PPP1R37: variants seen among roughly 807,000 people sequenced by gnomAD.
The protein encoded by PPP1R37 is protein phosphatase 1 regulatory subunit 37.
A neutral mutation model predicts 61.0 loss-of-function variants in PPP1R37; 21 were observed. The observed-to-expected ratio is 0.34, with a 90% CI of 0.24 to 0.50. The LOEUF (loss-of-function observed/expected upper bound fraction) is 0.50. Ranked by LOEUF, PPP1R37 falls within the 20% of genes least tolerant of loss-of-function variation. The probability of loss-of-function intolerance (pLI) is 0.98; values close to 1 mark genes in which losing one functional copy is unlikely to be tolerated. For missense variants in PPP1R37, 910 were observed against 952.7 expected (o/e 0.96, Z 0.59); for synonymous variants, 443 against 433.5 (o/e 1.02, Z -0.27).
At chr19:45,146,113 C>T (rs118054030) in intron 11 of PPP1R37, 64 bp downstream of exon 11, 3 of 1,427,494 alleles carry the variant, frequency 2.1e-6, no homozygotes, top group African/African-American at 2.9e-5. Context: ...CCAGGCAAGC[C>T]CCTGCCTGTT....
intron 1 of PPP1R37, among the ~76,000 whole-genome samples, chr19:45,125,823 G>T (rs1186894588): frequency 6.6e-6 from 1 of 152,238 alleles, no homozygotes; most frequent in Non-Finnish European, 1.5e-5. Flanking sequence ...CCACCCAGGG[G>T]AAGACAGGAA....
chr19:45,127,227 T>C (rs1968416820), intron 1 of PPP1R37, among the ~76,000 whole-genome samples: 1 of 151,992 alleles, frequency 6.6e-6, no homozygotes, highest in South Asian at 2.1e-4. Context: ...CGTGTGCCTG[T>C]AATCTCAGCT....
intron 5 of PPP1R37, 146 bp downstream of exon 5, chr19:45,141,587 G>A: frequency 8.9e-7 from 1 of 1,128,332 alleles, no homozygotes; most frequent in Non-Finnish European, 1.2e-6. Context: ...CCTCAGGCCA[G>A]GAGAACAGGG....
intron 1 of PPP1R37, among the ~76,000 whole-genome samples, chr19:45,112,244 G>A (rs1161257063): frequency 1.8e-5 from 2 of 112,254 alleles, no homozygotes; most frequent in African/African-American, 6.8e-5. Context: ...CAAAGTGTTG[G>A]GATTACAGGC....
chr19:45,120,874 CCT>C (rs1213344566), intron 1 of PPP1R37, among the ~76,000 whole-genome samples: 5 of 152,206 alleles, frequency 3.3e-5, no homozygotes, highest in African/African-American at 1.2e-4. Flanking sequence ...TCAGCCTTGG[CCT>C]CTCAAAGTGT....
At chr19:45,104,490 C>T (rs1968104835) in intron 1 of PPP1R37, among the ~76,000 whole-genome samples, 1 of 152,164 alleles carries the variant, frequency 6.6e-6, no homozygotes, top group South Asian at 2.1e-4. Context: ...TCCTTTTTTC[C>T]TGCATTCATT....
At chr19:45,139,711 G>A (rs900770782) in intron 2 of PPP1R37, among the ~76,000 whole-genome samples, 1 of 152,194 alleles carries the variant, frequency 6.6e-6, no homozygotes, top group Non-Finnish European at 1.5e-5. Flanking sequence ...TGGGTCCTTG[G>A]ACCCCATCGG....
chr19:45,117,048 G>C (rs1384025521), intron 1 of PPP1R37, among the ~76,000 whole-genome samples: 1 of 152,026 alleles, frequency 6.6e-6, no homozygotes, highest in Non-Finnish European at 1.5e-5. Context: ...AAGTATCTGG[G>C]ACTACAGGCA....
chr19:45,103,558 T>C (rs1329424985), intron 1 of PPP1R37, among the ~76,000 whole-genome samples: 1 of 150,284 alleles, frequency 6.7e-6, no homozygotes, highest in East Asian at 2.0e-4. Flanking sequence ...GCTCGCGTCC[T>C]GTGCAGTCTT....
intron 1 of PPP1R37, among the ~76,000 whole-genome samples, chr19:45,132,311 TTTTC>T (rs1405579784): frequency 1.3e-5 from 2 of 152,012 alleles, no homozygotes; most frequent in African/African-American, 2.4e-5. Context: ...GTATTTTTTC[TTTTC>T]TTTTTTTTTT....
chr19:45,140,669 T>C, intron 4 of PPP1R37, 63 bp downstream of exon 4: 2 of 1,276,628 alleles, frequency 1.6e-6, no homozygotes, highest in Non-Finnish European at 2.2e-6. Context: ...GAGGTTTGGG[T>C]GGGGAGAGGA....
chr19:45,144,999 G>T lies in PPP1R37; in HGVS notation c.1129+4G>T. The T allele has an allele frequency of 2.6e-6, 4 of 1,534,098 alleles. No individual in the cohort carries two copies. The highest frequency in any genetic ancestry group is 3.5e-6 in the Non-Finnish European group (4 of 1,146,004). On this transcript the variant is annotated splice_donor_region_variant and intron_variant, in intron 9 of 12. Coordinates refer to ENST00000221462, the MANE Select transcript of PPP1R37 (RefSeq NM_019121.2). ...TCCACCAAGCTCACGTGCGAGGGTA[G>T]GGTACGGGGCCGGGCCAGGGTGCGG...
rs543708750 is a variant in PPP1R37, at chr19:45,093,179, G to A, written c.-147G>A. 1.3e-4 allele frequency: 77 copies of A among 615,896 alleles called. No individual in the cohort carries two copies. The highest frequency in any genetic ancestry group is 1.7e-4 in the Non-Finnish European group (69 of 415,302). 38.2% of individuals were successfully genotyped at this position (615,896 alleles called of 1,614,324 possible). A position where few individuals can be genotyped will look rare whatever the true frequency, so the allele number is the denominator to read the frequency against. ...GAGGCGCGCTTGGGCTCCCGGCGGC[G>A]ACGACTACGACCACTAGGAGAGCGG... is the stretch of plus-strand genomic sequence containing the variant. On this transcript the variant is annotated 5_prime_UTR_variant, in exon 1 of 13. Coordinates refer to ENST00000221462, the MANE Select transcript of PPP1R37 (RefSeq NM_019121.2).
intron 1 of PPP1R37, among the ~76,000 whole-genome samples, chr19:45,123,995 G>C (rs1968371821): frequency 6.6e-6 from 1 of 152,166 alleles, no homozygotes; most frequent in African/African-American, 2.4e-5. Flanking sequence ...CACCTTCTCT[G>C]TGCCTGTCTT....
At position 45,145,708 on chromosome 19, in the gene PPP1R37, C is replaced by T. The variant is rs2122760744; in HGVS notation, c.1652C>T (p.Thr551Ile). The change falls in exon 11 of 13, where the codon ACA becomes ATA. Residue 551 changes from threonine (T) to isoleucine (I), a missense_variant. Around this residue, in one of 3 missense-constraint regions of PPP1R37, gnomAD observed 549 missense variants for 505.1 expected, o/e 1.09. Coordinates refer to ENST00000221462, the MANE Select transcript of PPP1R37 (RefSeq NM_019121.2). ...GDRSPPGSPS[T>I]PTEQRISVSS... is the part of the protein sequence containing the mutation. ...AGGAGTCCCCCAGGCAGCCCCTCCA[C>T]ACCCACCGAGCAGCGGATTTCCGTG... The T allele has an allele frequency of 6.5e-7, 1 of 1,534,442 alleles. No individual in the cohort carries two copies. The highest frequency in any genetic ancestry group is 2.0e-5 in the Admixed American group (1 of 50,778).
At chr19:45,140,743 G>GCGCC in intron 4 of PPP1R37, 137 bp downstream of exon 4, 1 of 650,068 alleles carries the variant, frequency 1.5e-6, no homozygotes. Flanking sequence ...GGGGCCTCTT[G>GCGCC]CAGGGCAAGA....
At chr19:45,141,965 G>A in intron 5 of PPP1R37, 96 bp from the exon 6 acceptor site, 1 of 1,007,024 alleles carries the variant, frequency 9.9e-7, no homozygotes, top group East Asian at 2.6e-5. Flanking sequence ...GGGGGCACAG[G>A]TCCTGGGGCC....
intron 1 of PPP1R37, among the ~76,000 whole-genome samples, chr19:45,103,562 C>T (rs1227908239): frequency 2.6e-5 from 4 of 151,678 alleles, no homozygotes; most frequent in Non-Finnish European, 4.4e-5. Context: ...GCGTCCTGTG[C>T]AGTCTTCCCT....
At chr19:45,094,090 A>G (rs1179257512) in intron 1 of PPP1R37, among the ~76,000 whole-genome samples, 1 of 152,216 alleles carries the variant, frequency 6.6e-6, no homozygotes, top group Non-Finnish European at 1.5e-5. Flanking sequence ...GTCCCAGAAG[A>G]GGAGCAGAGG....
Sources: allele counts gnomAD v4.1 joint callset (sites outside exome capture counted in the v4.1 genomes callset), GRCh38; gene constraint gnomAD v4.1.1; regional missense constraint gnomAD v4.1.1; transcripts MANE v1.5; gene names NCBI Gene and HGNC (gene_info 2026-07-23, HGNC 2026-07-21).